APLF: variants seen among roughly 807,000 people sequenced by gnomAD.
APLF encodes the protein aprataxin and PNKP like factor.
In APLF, 61 loss-of-function variants were observed where a neutral mutation model predicts 55.6. The ratio of observed to expected loss-of-function variants is 1.10; its 90% CI spans 0.89 to 1.36. APLF has a LOEUF of 1.36. Among genes scored for constraint, APLF ranks in the 40% most tolerant of loss-of-function variants. The probability of loss-of-function intolerance (pLI) is 0.00; values close to 1 mark genes in which losing one functional copy is unlikely to be tolerated. For synonymous variants in APLF, 207 were observed against 214.8 expected, an observed-to-expected ratio of 0.96 and a Z score of 0.32; for missense variants, 611 against 602.5, an observed-to-expected ratio of 1.01 and a Z score of -0.15.
chr2:68,494,501 C>T lies in APLF; in HGVS notation c.168+4240C>T, dbSNP rs371326014. ...GGTGCCACACACTTTTTTTTTTCTT[C>T]GACTTTTAAGCTCAGGGATACACGT... On this transcript the variant is annotated intron_variant, in intron 2 of 9. Coordinates refer to ENST00000303795, the MANE Select transcript of APLF (RefSeq NM_173545.3). 1.7e-4 allele frequency among the ~76,000 whole-genome samples: 25 copies of T among 150,402 alleles called. 2 individuals carry two copies. In the South Asian group the frequency reaches 3.2e-3, roughly 19 times the overall value.
At chr2:68,468,546 T>C (rs1231580606) in intron 1 of APLF, among the ~76,000 whole-genome samples, 1 of 152,214 alleles carries the variant, frequency 6.6e-6, no homozygotes, top group East Asian at 1.9e-4. Flanking sequence ...TTATTTAAAG[T>C]CCATACATAA....
chr2:68,537,738 T>G (rs755530425), intron 6 of APLF, 134 bp from the exon 7 acceptor site: 40 of 691,438 alleles, frequency 5.8e-5, no homozygotes, highest in Non-Finnish European at 8.2e-5. Flanking sequence ...TAGTGGCATT[T>G]AAGAACTTTA....
chr2:68,518,637 T>TATCAATATATCATGAATATATAATAA (rs1366227180), intron 5 of APLF, among the ~76,000 whole-genome samples: 22 of 123,262 alleles, frequency 1.8e-4, no homozygotes, highest in African/African-American at 6.4e-4. Context: ...TATAATAATA[T>TATCAATATATCATGAATATATAATAA]ATCATTAATA....
rs755054178 is a variant in APLF, at chr2:68,577,835, A to G, written c.1349A>G (p.Asp450Gly). 1.6e-5 allele frequency: 26 copies of G among 1,613,248 alleles called. No individual in the cohort carries two copies. The East Asian group carries it at 5.8e-4, about 36-fold the overall frequency. Reference sequence around the variant, plus strand: ...TGTTTTGCAGTGAGAAATGTTTTAGATGAAGATAATGATAATGTTGGGCAA... The same window carrying G: ...TGTTTTGCAGTGAGAAATGTTTTAGGTGAAGATAATGATAATGTTGGGCAA... ...HNTLPVRNVL[D>G]EDNDNVGQPN... The change falls in exon 10 of 10, where the codon GAT (aspartate) becomes GGT (glycine). Residue 450 changes from aspartate (D) to glycine (G), a missense_variant. Physicochemically the swap from Asp to Gly is moderately conservative, Grantham distance 94 (BLOSUM62 -1). Coordinates refer to ENST00000303795, the MANE Select transcript of APLF (RefSeq NM_173545.3).
chr2:68,469,904 GCCA>G (rs1675565620), intron 1 of APLF, among the ~76,000 whole-genome samples: 1 of 152,144 alleles, frequency 6.6e-6, no homozygotes. Context: ...AACCTTGATG[GCCA>G]CACAAACATA....
rs551800825 is a variant in APLF, at chr2:68,467,630, G to C, written c.-102G>C. 1 of 988,518 alleles carries C rather than the reference G, an allele frequency of 1.0e-6. No homozygotes were observed. The highest frequency in any genetic ancestry group is 1.3e-6 in the Non-Finnish European group (1 of 764,028). The allele number at this position is 988,518 out of a possible 1,614,324, so 61.2% of individuals were successfully genotyped here. On this transcript the variant is annotated 5_prime_UTR_variant, in exon 1 of 10. Transcript: ENST00000303795. The stretch of plus-strand genomic sequence containing the variant: ...GGGGAGCCTTTGAGGCCCTCCCTCG[G>C]TGTTTTTTCCCAGGGCGTGGGCTTG...
chr2:68,522,324 A>G (rs1455802141), intron 5 of APLF, among the ~76,000 whole-genome samples: 1 of 151,934 alleles, frequency 6.6e-6, no homozygotes, highest in Non-Finnish European at 1.5e-5. Flanking sequence ...GTGTTAATGT[A>G]AGTAATGATA....
chr2:68,533,605 T>C (rs13419614), intron 6 of APLF, among the ~76,000 whole-genome samples: 14,385 of 152,130 alleles, frequency 0.095, 818 homozygotes, highest in African/African-American at 0.15. Flanking sequence ...AGCTGAGAAC[T>C]CAGCTGAAGA....
At chr2:68,514,307 G>A (rs574068299) in intron 5 of APLF, among the ~76,000 whole-genome samples, 1 of 151,768 alleles carries the variant, frequency 6.6e-6, no homozygotes, top group East Asian at 1.9e-4. Flanking sequence ...TTGACTGCTT[G>A]TTTTCTTTTA....
chr2:68,560,080 T>G (rs1671128583), intron 8 of APLF, among the ~76,000 whole-genome samples: 1 of 152,198 alleles, frequency 6.6e-6, no homozygotes, highest in African/African-American at 2.4e-5. Flanking sequence ...CCTTCAGATA[T>G]GTGTGTGATA....
chr2:68,494,724 C>T (rs1019873703), intron 2 of APLF, among the ~76,000 whole-genome samples: 5 of 152,126 alleles, frequency 3.3e-5, no homozygotes, highest in Admixed American at 6.5e-5. Flanking sequence ...TCATCATTCA[C>T]CTCCCACTTA....
At chr2:68,492,660 CT>C (rs963674377) in intron 2 of APLF, among the ~76,000 whole-genome samples, 1 of 152,078 alleles carries the variant, frequency 6.6e-6, no homozygotes, top group African/African-American at 2.4e-5. Flanking sequence ...ATACTCTTCA[CT>C]TTTACTGGGT....
chr2:68,489,487 C>T (rs1449897278), intron 1 of APLF, among the ~76,000 whole-genome samples: 1 of 152,194 alleles, frequency 6.6e-6, no homozygotes, highest in Non-Finnish European at 1.5e-5. Context: ...GCACTGTCAG[C>T]ATTTAACATG....
chr2:68,482,235 C>T (rs1002777974), intron 1 of APLF, among the ~76,000 whole-genome samples: 1 of 151,928 alleles, frequency 6.6e-6, no homozygotes, highest in African/African-American at 2.4e-5. Context: ...TATGCAGTAG[C>T]TTTCACAGGG....
At chr2:68,558,362 G>A (rs759522087) in intron 8 of APLF, among the ~76,000 whole-genome samples, 1 of 151,768 alleles carries the variant, frequency 6.6e-6, no homozygotes, top group Admixed American at 6.6e-5. Flanking sequence ...ATTTTATGCT[G>A]GTTTACTTGT....
intron 5 of APLF, chr2:68,515,595 T>A (rs1669557937): frequency 1.0e-6 from 1 of 985,020 alleles, no homozygotes; most frequent in African/African-American, 1.7e-5. Context: ...ATGTCCCACA[T>A]AAAATATGAA....
intron 3 of APLF, among the ~76,000 whole-genome samples, chr2:68,506,583 T>A (rs1676877915): frequency 6.6e-6 from 1 of 152,014 alleles, no homozygotes; most frequent in Non-Finnish European, 1.5e-5. Context: ...ATTGTTAATA[T>A]CCCTATATGA....
At position 68,489,567 on chromosome 2, in the gene APLF, A is replaced by G. The variant is rs374268814; in HGVS notation, c.97-623A>G. 2.2e-3 allele frequency among the ~76,000 whole-genome samples: 341 copies of G among 152,364 alleles called. 1 individual carries two copies. The highest frequency in any genetic ancestry group is 7.8e-3 in the African/African-American group (324 of 41,576). On this transcript the variant is annotated intron_variant, in intron 1 of 9. Coordinates refer to ENST00000303795, the MANE Select transcript of APLF (RefSeq NM_173545.3). ...AAGTAGAACACTGTTGGCTCAAAAC[A>G]GGAAGCAAATAGATATTTTTAAAAA... is the stretch of plus-strand genomic sequence containing the variant.
chr2:68,521,155 A>C (rs1290250031), intron 5 of APLF, among the ~76,000 whole-genome samples: 1 of 151,996 alleles, frequency 6.6e-6, no homozygotes, highest in African/African-American at 2.4e-5. Flanking sequence ...GTTGGTGTAT[A>C]GCAGTACTAC....
Sources: gnomAD v4.1 joint callset for allele counts (sites outside exome capture counted in the v4.1 genomes callset) on GRCh38, gnomAD v4.1.1 for gene constraint, MANE v1.5 for transcripts, NCBI Gene and HGNC (gene_info 2026-07-23, HGNC 2026-07-21) for gene names.